MSI2: variants seen among roughly 807,000 people sequenced by gnomAD.
MSI2 encodes musashi RNA binding protein 2, also known as RNA-binding protein Musashi homolog 2.
A neutral mutation model predicts 45.6 loss-of-function variants in MSI2; 17 were observed. The ratio of observed to expected loss-of-function variants is 0.37; its 90% CI spans 0.26 to 0.56. The LOEUF is 0.56. Ranked by LOEUF, MSI2 falls within the 20% of genes least tolerant of loss-of-function variation. MSI2 has a pLI of 0.77. For missense variants in MSI2, 293 were observed against 444.2 expected (o/e 0.66, Z 3.06); for synonymous variants, 156 against 158.2 (o/e 0.99, Z 0.11).
At chr17:57,306,792 C>T (rs1299757619) in intron 5 of MSI2, among the ~76,000 whole-genome samples, 3 of 152,146 alleles carry the variant, frequency 2.0e-5, no homozygotes, top group East Asian at 1.9e-4. Flanking sequence ...GTCGCCCAGG[C>T]TGGAGTGCAA....
intron 5 of MSI2, among the ~76,000 whole-genome samples, chr17:57,282,550 C>T (rs2143388049): frequency 6.6e-6 from 1 of 152,156 alleles, no homozygotes; most frequent in East Asian, 1.9e-4. Context: ...AGATAAGTGC[C>T]CAGGTCTCGA....
chr17:57,676,730 C>T (rs1029772693), intron 12 of MSI2, among the ~76,000 whole-genome samples: 3 of 152,212 alleles, frequency 2.0e-5, no homozygotes, highest in African/African-American at 7.2e-5. Flanking sequence ...TTCCCACCAT[C>T]CACCCACGCC....
chr17:57,287,222 G>A (rs11654429), intron 5 of MSI2, among the ~76,000 whole-genome samples: 19,717 of 151,166 alleles, frequency 0.13, 1,339 homozygotes, highest in South Asian at 0.14. Flanking sequence ...CAATGTGAGT[G>A]TGGGAAATTA....
chr17:57,468,747 G>A (rs2085377598), intron 6 of MSI2, among the ~76,000 whole-genome samples: 1 of 152,072 alleles, frequency 6.6e-6, no homozygotes, highest in Non-Finnish European at 1.5e-5. Context: ...TAGAGTGGCT[G>A]CCCAGAACGC....
chr17:57,632,567 T>G, intron 10 of MSI2: 1 of 1,067,002 alleles, frequency 9.4e-7, no homozygotes, highest in East Asian at 5.0e-5. Flanking sequence ...CTGGCACCAT[T>G]GGAGTAGGAG....
At chr17:57,644,067 T>A (rs1379278859) in intron 10 of MSI2, among the ~76,000 whole-genome samples, 1 of 152,050 alleles carries the variant, frequency 6.6e-6, no homozygotes, top group East Asian at 1.9e-4. Context: ...AGCACCCCCT[T>A]CCCCAACCAG....
intron 7 of MSI2, among the ~76,000 whole-genome samples, chr17:57,561,415 T>C (rs769016098): frequency 1.3e-5 from 2 of 152,210 alleles, no homozygotes; most frequent in Non-Finnish European, 2.9e-5. Context: ...TCTTGCTGTT[T>C]TCTGACCCCA....
At chr17:57,294,014 C>T (rs1011802102) in intron 5 of MSI2, among the ~76,000 whole-genome samples, 2 of 151,166 alleles carry the variant, frequency 1.3e-5, no homozygotes, top group African/African-American at 2.4e-5. Context: ...GAAAAAAGTT[C>T]CTCTGTCACC....
intron 10 of MSI2, among the ~76,000 whole-genome samples, chr17:57,644,744 A>C (rs1910523812): frequency 6.6e-6 from 1 of 152,156 alleles, no homozygotes; most frequent in Middle Eastern, 3.2e-3. Context: ...AGCACAACAT[A>C]GGAAAAATTG....
At chr17:57,559,494 G>T (rs2087521709) in intron 7 of MSI2, among the ~76,000 whole-genome samples, 1 of 152,204 alleles carries the variant, frequency 6.6e-6, no homozygotes, top group Non-Finnish European at 1.5e-5. Flanking sequence ...ATGACACATG[G>T]GTAGCAGAGT....
At chr17:57,469,599 GCT>G (rs1368531106) in intron 6 of MSI2, among the ~76,000 whole-genome samples, 1 of 152,204 alleles carries the variant, frequency 6.6e-6, no homozygotes, top group African/African-American at 2.4e-5. Context: ...TGGCTTCAAA[GCT>G]CTGTTAATCT....
intron 5 of MSI2, chr17:57,265,899 C>T (rs1907724184): frequency 6.6e-6 from 1 of 152,166 alleles, no homozygotes; most frequent in Non-Finnish European, 1.5e-5. Flanking sequence ...TCCCTTTGGA[C>T]TGGAGTGTTG....
chr17:57,536,891 G>A (rs369824085), intron 7 of MSI2, among the ~76,000 whole-genome samples: 4 of 152,186 alleles, frequency 2.6e-5, no homozygotes, highest in African/African-American at 9.7e-5. Context: ...TTTCCAGAGT[G>A]GACCATTGTT....
chr17:57,460,336 A>C (rs772950529), intron 6 of MSI2, among the ~76,000 whole-genome samples: 42 of 151,758 alleles, frequency 2.8e-4, no homozygotes, highest in Non-Finnish European at 5.6e-4. Context: ...GAAGGAAAGA[A>C]GGCAGGAAGT....
intron 8 of MSI2, among the ~76,000 whole-genome samples, chr17:57,599,851 GT>G (rs1225991278): frequency 6.6e-6 from 1 of 152,184 alleles, no homozygotes; most frequent in Non-Finnish European, 1.5e-5. Context: ...TCATTGGGTT[GT>G]TAGAGACTGG....
chr17:57,426,239 T>C (rs2084489775), intron 6 of MSI2, among the ~76,000 whole-genome samples: 1 of 152,246 alleles, frequency 6.6e-6, no homozygotes, highest in Non-Finnish European at 1.5e-5. Flanking sequence ...CCTAGCTGCA[T>C]ACCGGTTTTG....
In MSI2 at chr17:57,507,245, G is replaced by C. The variant is rs918156664; in HGVS notation, c.406-22431G>C. On this transcript the variant is annotated intron_variant, in intron 6 of 13. Transcript: ENST00000284073. ...TCTCTCTGTGTGTGTGTGTGTGTGT[G>C]TGTGTGTGTGTGTGTGTGTGTGTGT... is the stretch of plus-strand genomic sequence containing the variant. Among the ~76,000 whole-genome samples the C allele has an allele frequency of 3.1e-4, 46 of 147,100 alleles. 3 individuals are homozygous for C. Among genetic ancestry groups the C allele is most frequent in the Middle Eastern group, 3.5e-3 (1 of 284 alleles).
intron 6 of MSI2, among the ~76,000 whole-genome samples, chr17:57,418,965 A>G (rs898046929): frequency 1.3e-5 from 2 of 152,204 alleles, no homozygotes; most frequent in African/African-American, 2.4e-5. Context: ...AAAGAGCTCT[A>G]TATTTATAAC....
rs1023140348 is a variant in MSI2 at position 57,655,662 on chromosome 17, CTGAGGCA to C, written c.790+3503_790+3509del. Among the ~76,000 whole-genome samples, 118 of 152,240 alleles carry C rather than the reference CTGAGGCA, an allele frequency of 7.8e-4. 2 individuals carry two copies. The highest frequency in any genetic ancestry group is 2.7e-3 in the African/African-American group (112 of 41,530). On this transcript the variant is annotated intron_variant, in intron 11 of 13. Transcript: ENST00000284073. The stretch of plus-strand genomic sequence containing the variant: ...GGTTGGGGCTGCGGTGAGAGTGTCT[CTGAGGCA>C]TACTTTCCCGCCTCTCTTACGCTAG...
Sources: allele counts gnomAD v4.1 joint callset (sites outside exome capture counted in the v4.1 genomes callset), GRCh38; gene constraint gnomAD v4.1.1; transcripts MANE v1.5; gene names NCBI Gene and HGNC (gene_info 2026-07-23, HGNC 2026-07-21).